Variants in NIN observed in about 807,000 individuals in gnomAD.
NIN encodes glycogen synthase kinase 3 beta-interacting protein.
Under a neutral mutation model 257.6 loss-of-function variants are expected in NIN, and 137 were observed. The ratio of observed to expected loss-of-function variants is 0.53; its 90% confidence interval spans 0.46 to 0.61. NIN has a LOEUF of 0.61. Ranked by LOEUF, NIN falls within the 20% of genes least tolerant of loss-of-function variation. The pLI is 0.00. For synonymous variants in NIN, 918 were observed against 919.8 expected (o/e 1.00, Z 0.04); for missense variants, 2,439 against 2,501.2 (o/e 0.98, Z 0.53).
At position 50,720,638 on chromosome 14, in the gene NIN, T is replaced by C. The variant is rs1391891589; in HGVS notation, c.*2825A>G. The C allele has an allele frequency of 4.8e-6, 1 of 206,960 alleles. No homozygotes were observed. Among genetic ancestry groups the C allele is most frequent in the East Asian group, 7.4e-5 (1 of 13,540 alleles). 12.8% of individuals were successfully genotyped at this position (206,960 alleles called of 1,614,324 possible). A position where few individuals can be genotyped will look rare whatever the true frequency, so the allele number is the denominator to read the frequency against. The stretch of plus-strand genomic sequence containing the variant: ...TTCACATTTAAAACAGTTTAAAAAA[T>C]CTGGATTTAGTAAGAGTTTTAGAAA... On this transcript the variant is annotated 3_prime_UTR_variant, in exon 31 of 31. Coordinates refer to ENST00000530997, the MANE Select transcript of NIN (RefSeq NM_020921.4).
At chr14:50,736,468 C>A (rs1317548531) in intron 27 of NIN, among the ~76,000 whole-genome samples, 1 of 152,076 alleles carries the variant, frequency 6.6e-6, no homozygotes, top group East Asian at 1.9e-4. Flanking sequence ...ACAGGAAGAA[C>A]CTAGTGAGCT....
intron 20 of NIN, 100 bp from the exon 21 acceptor site, chr14:50,752,833 T>C: frequency 1.6e-6 from 1 of 628,250 alleles, no homozygotes; most frequent in South Asian, 2.3e-5. Context: ...TCCCTCTTTA[T>C]ATAAAGTTTA....
chr14:50,759,889 C>T lies in NIN; in HGVS notation c.2367G>A (p.Leu789=). 1 of 1,612,676 alleles carries T rather than the reference C, an allele frequency of 6.2e-7. No homozygotes were observed. The highest frequency in any genetic ancestry group is 8.5e-7 in the Non-Finnish European group (1 of 1,179,564). ...CCTGAAGCTCCCTTTGGTGCTTTTC[C>T]AAGAGCTCTTTTCTTAACTCCTCTT... is the stretch of plus-strand genomic sequence containing the variant. The part of the protein sequence containing the change: ...LEKEELRKEL[L]EKHQRELQEG... Residue 789 remains leucine, a synonymous_variant, in exon 17 of 31, where the codon TTG becomes TTA. Coordinates refer to ENST00000530997, the MANE Select transcript of NIN (RefSeq NM_020921.4).
At chr14:50,821,809 AC>A (rs2045235104) in intron 3 of NIN, 64 bp downstream of exon 3, 2 of 1,330,792 alleles carry the variant, frequency 1.5e-6, no homozygotes, top group South Asian at 1.3e-5. Flanking sequence ...GGTCCGCCCC[AC>A]CCCCAGCACC....
chr14:50,727,642 G>C, intron 29 of NIN: 2 of 1,443,446 alleles, frequency 1.4e-6, no homozygotes, highest in Non-Finnish European at 1.9e-6. Context: ...GTGGGTGTGT[G>C]CATCTGTCTG....
Position 50,738,259 on chromosome 14 carries a change from G to A in NIN, c.5656C>T (p.Pro1886Ser). 6.2e-7 allele frequency: 1 copy of A among 1,613,814 alleles called. No homozygotes were observed. The highest frequency in any genetic ancestry group is 8.5e-7 in the Non-Finnish European group (1 of 1,179,848). The change falls in exon 27 of 31, where the codon CCC (proline) becomes TCC (serine). Residue 1886 changes from proline (P) to serine (S), a missense_variant. By Grantham distance (74) the Pro-to-Ser change is moderately conservative. Coordinates refer to ENST00000530997, the MANE Select transcript of NIN (RefSeq NM_020921.4). ...KVRQLESNLLPKHQKHLNPSG... is the reference protein window; with the variant it reads ...KVRQLESNLLSKHQKHLNPSG... ...GGGTTTAGATGTTTTTGGTGCTTGG[G>A]AAGAAGATTGGATTCCAACTGACGG...
chr14:50,777,868 A>G (rs936801990), intron 6 of NIN, among the ~76,000 whole-genome samples: 1 of 152,238 alleles, frequency 6.6e-6, no homozygotes, highest in African/African-American at 2.4e-5. Context: ...TTACTTAAAC[A>G]TGAGATAATT....
chr14:50,726,216 C>A, intron 29 of NIN, 150 bp from the exon 30 acceptor site: 1 of 627,108 alleles, frequency 1.6e-6, no homozygotes, highest in Non-Finnish European at 2.8e-6. Flanking sequence ...AGTTTTGAGC[C>A]CTGCATGGAT....
intron 5 of NIN, chr14:50,791,990 T>C (rs1020973843): frequency 1.3e-5 from 2 of 152,214 alleles, no homozygotes; most frequent in Non-Finnish European, 2.9e-5. Context: ...GCATTTTCAA[T>C]CATGTTCTAT....
chr14:50,745,347 G>C (rs906962296), intron 22 of NIN, among the ~76,000 whole-genome samples: 1 of 152,162 alleles, frequency 6.6e-6, no homozygotes, highest in African/African-American at 2.4e-5. Context: ...TGGGGCAGGA[G>C]AGCAATCCTC....
intron 29 of NIN, chr14:50,727,342 T>C: frequency 1.0e-6 from 1 of 984,678 alleles, no homozygotes; most frequent in Non-Finnish European, 1.2e-6. Context: ...ATTCCATATA[T>C]AAAAGTAGTA....
At chr14:50,776,405 C>T (rs2042925131) in intron 7 of NIN, among the ~76,000 whole-genome samples, 1 of 152,184 alleles carries the variant, frequency 6.6e-6, no homozygotes, top group Non-Finnish European at 1.5e-5. Context: ...TGGCTGCTGG[C>T]TGCTCTCACC....
intron 16 of NIN, among the ~76,000 whole-genome samples, chr14:50,761,232 G>T (rs969354468): frequency 6.6e-6 from 1 of 152,210 alleles, no homozygotes; most frequent in Non-Finnish European, 1.5e-5. Context: ...TCATGCAAGA[G>T]GCAGCATTAA....
intron 5 of NIN, among the ~76,000 whole-genome samples, chr14:50,779,088 A>G (rs535741827): frequency 6.6e-6 from 1 of 152,326 alleles, no homozygotes; most frequent in Non-Finnish European, 1.5e-5. Flanking sequence ...ATCACAACCA[A>G]TTAAACCCAG....
rs2040298610 is a variant in NIN, at chr14:50,722,983, T to A, written c.*480A>T. ...TCCTAACCAATTATACTCTACTAAT[T>A]GTCTACCAATTCAAAGAACCAAAAC... On this transcript the variant is annotated 3_prime_UTR_variant, in exon 31 of 31. Coordinates refer to ENST00000530997, the MANE Select transcript of NIN (RefSeq NM_020921.4). The A allele has an allele frequency of 4.7e-6, 1 of 214,606 alleles. No homozygotes were observed. The highest frequency in any genetic ancestry group is 9.4e-6 in the Non-Finnish European group (1 of 106,562). 13.3% of individuals were successfully genotyped at this position (214,606 alleles called of 1,614,324 possible). A position where few individuals can be genotyped will look rare whatever the true frequency, so the allele number is the denominator to read the frequency against.
rs541234192 is a variant in NIN, at chr14:50,800,939, C to T, written c.265+5798G>A. 8.5e-5 allele frequency among the ~76,000 whole-genome samples: 13 copies of T among 152,096 alleles called. No individual in the cohort carries two copies. In the East Asian group the frequency reaches 1.2e-3, roughly 14 times the overall value. ...CTGGCATTACAAGCGTGCACCACCA[C>T]GCCCAGCTAATTTTTGTATTCTTTA... On this transcript the variant is annotated intron_variant, in intron 4 of 30. Coordinates refer to ENST00000530997, the MANE Select transcript of NIN (RefSeq NM_020921.4).
Position 50,761,823 on chromosome 14 carries a change from G to A in NIN, c.1863C>T (p.Asp621=), listed in dbSNP as rs1421269794. 6.2e-7 allele frequency: 1 copy of A among 1,614,112 alleles called. No homozygotes were observed. The highest frequency in any genetic ancestry group is 1.7e-5 in the Admixed American group (1 of 60,030). Reference sequence around the variant, plus strand: ...CGAGCTCCAGTCTGAGGCAACATATGTCCCTGTGATGTTGTTCTTTCATCT... The same window carrying A: ...CGAGCTCCAGTCTGAGGCAACATATATCCCTGTGATGTTGTTCTTTCATCT... The part of the protein sequence containing the change: ...IEQMKEQHHR[D]ICCLRLELED... The change falls in exon 16 of 31, where the codon GAC becomes GAT. Residue 621 remains aspartate, a synonymous_variant. Coordinates refer to ENST00000530997, the MANE Select transcript of NIN (RefSeq NM_020921.4).
At position 50,760,071 on chromosome 14, in the gene NIN, C is replaced by T. The variant is rs2042214950; in HGVS notation, c.2185G>A (p.Ala729Thr). Reference protein sequence around the residue: ...LRLQHEMELKARLTQAQASFE... With the variant: ...LRLQHEMELKTRLTQAQASFE... ...CTTGCTTGAGCCTGTGTCAGTCTAGCCTTGAGCTCCATCTCATGTTGCAGC... is the reference window on the plus strand; with the variant it reads ...CTTGCTTGAGCCTGTGTCAGTCTAGTCTTGAGCTCCATCTCATGTTGCAGC... Residue 729 changes from alanine (A) to threonine (T), a missense_variant, in exon 17 of 31, where the codon GCT (alanine) becomes ACT (threonine). Coordinates refer to ENST00000530997, the MANE Select transcript of NIN (RefSeq NM_020921.4). 1 of 1,614,184 alleles carries T rather than the reference C, an allele frequency of 6.2e-7. No homozygotes were observed. The highest frequency in any genetic ancestry group is 2.2e-5 in the East Asian group (1 of 44,884).
At chr14:50,789,605 A>T (rs2043496659) in intron 5 of NIN, among the ~76,000 whole-genome samples, 1 of 152,110 alleles carries the variant, frequency 6.6e-6, no homozygotes, top group Non-Finnish European at 1.5e-5. Flanking sequence ...AACAAACAAA[A>T]AACAAGATCT....
Sources: allele counts gnomAD v4.1 joint callset (sites outside exome capture counted in the v4.1 genomes callset), GRCh38; gene constraint gnomAD v4.1.1; transcripts MANE v1.5; gene names NCBI Gene and HGNC (gene_info 2026-07-23, HGNC 2026-07-21).